The following NOVA1 variants were observed in gnomAD, a reference collection of about 807,000 sequenced individuals.
The protein encoded by NOVA1 is NOVA alternative splicing regulator 1, also known as RNA-binding protein Nova-1.
NOVA1 carries 7 observed loss-of-function variants against 38.0 expected under a neutral mutation model. The ratio of observed to expected loss-of-function variants is 0.18; its 90% CI spans 0.10 to 0.35. The LOEUF (loss-of-function observed/expected upper bound fraction) is 0.35, where lower values mean the gene tolerates loss of function less well. Ranked by LOEUF, NOVA1 falls within the 10% of genes least tolerant of loss-of-function variation. The pLI, the probability that NOVA1 is intolerant of heterozygous loss-of-function variation, is 1.00. For missense variants in NOVA1, 460 were observed against 616.0 expected (o/e 0.75, Z 2.68); for synonymous variants, 270 against 232.5 (o/e 1.16, Z -1.47).
At chr14:26,576,474 C>G (rs1363122619) in intron 2 of NOVA1, among the ~76,000 whole-genome samples, 1 of 151,546 alleles carries the variant, frequency 6.6e-6, no homozygotes, top group Non-Finnish European at 1.5e-5. Context: ...AAATATTGAC[C>G]ATTTTGATAA....
intron 2 of NOVA1, among the ~76,000 whole-genome samples, chr14:26,568,244 T>C (rs1244941309): frequency 6.6e-6 from 1 of 152,196 alleles, no homozygotes; most frequent in Non-Finnish European, 1.5e-5. Context: ...CATTTCTTTA[T>C]ATACACAGTC....
chr14:26,597,380 G>C lies in NOVA1; in HGVS notation c.57C>G (p.Asp19Glu). The C allele has an allele frequency of 1.6e-6, 2 of 1,275,648 alleles. No individual in the cohort carries two copies. Among genetic ancestry groups the C allele is most frequent in the Non-Finnish European group, 2.0e-6 (2 of 1,002,778 alleles). The allele number at this position is 1,275,648 out of a possible 1,614,324, so 79.0% of individuals were successfully genotyped here. ...TTTTCCGCGAGTCCGGCGGGTCCAG[G>C]TCTATGGGAACCCCAGTGTGGGTCC... ...QNGTHTGVPI[D>E]LDPPDSRKRP... Residue 19 changes from aspartate to glutamate, a missense_variant, in exon 1 of 5, where the codon GAC becomes GAG. Coordinates refer to ENST00000539517, the MANE Select transcript of NOVA1 (RefSeq NM_002515.3).
At chr14:26,576,614 T>C (rs1197377385) in intron 2 of NOVA1, among the ~76,000 whole-genome samples, 1 of 151,866 alleles carries the variant, frequency 6.6e-6, no homozygotes, top group African/African-American at 2.4e-5. Context: ...TGTGTGTATA[T>C]ATATATACAC....
chr14:26,478,898 TAGTCTATAA>T (rs1885208451), intron 3 of NOVA1: 1 of 151,866 alleles, frequency 6.6e-6, no homozygotes, highest in Non-Finnish European at 1.5e-5. Flanking sequence ...AATTAGACAT[TAGTCTATAA>T]TTTGAAAATA....
At chr14:26,527,863 A>G (rs1889415490) in intron 2 of NOVA1, among the ~76,000 whole-genome samples, 1 of 152,220 alleles carries the variant, frequency 6.6e-6, no homozygotes, top group Admixed American at 6.5e-5. Context: ...TATTTGAGAC[A>G]TTCACTGGAC....
intron 2 of NOVA1, among the ~76,000 whole-genome samples, chr14:26,559,425 A>G (rs1195280286): frequency 6.6e-6 from 1 of 152,186 alleles, no homozygotes; most frequent in Non-Finnish European, 1.5e-5. Context: ...CCATTCTAAA[A>G]TGATGTAGAC....
At chr14:26,481,589 A>G (rs1409689639) in intron 2 of NOVA1, among the ~76,000 whole-genome samples, 3 of 152,154 alleles carry the variant, frequency 2.0e-5, no homozygotes, top group Non-Finnish European at 2.9e-5. Flanking sequence ...TAAAAATCTA[A>G]GTTTCCTGGA....
intron 2 of NOVA1, chr14:26,519,651 C>G (rs1004371315): frequency 3.3e-5 from 5 of 152,096 alleles, no homozygotes; most frequent in African/African-American, 1.2e-4. Context: ...TAGAATGTAT[C>G]TTCCTAACAT....
At position 26,443,345 on chromosome 14, in the gene NOVA1, T is replaced by C. The variant is rs1451869166; in HGVS notation, c.*4614A>G. 6.6e-6 allele frequency: 1 copy of C among 151,996 alleles called. No individual in the cohort carries two copies. Among genetic ancestry groups the C allele is most frequent in the Non-Finnish European group, 1.5e-5 (1 of 67,904 alleles). The allele number at this position is 151,996 out of a possible 1,614,324, so 9.4% of individuals were successfully genotyped here. ...TAAATATTTTTCCTTAAAAAAATAA[T>C]CTAATCAAAATATTGAATACTTTAG... On this transcript the variant is annotated 3_prime_UTR_variant, in exon 5 of 5. Transcript: ENST00000539517.
At chr14:26,482,302 AG>A (rs1758411126) in intron 2 of NOVA1, among the ~76,000 whole-genome samples, 1 of 152,204 alleles carries the variant, frequency 6.6e-6, no homozygotes, top group South Asian at 2.1e-4. Flanking sequence ...ACATAAAAAA[AG>A]GAAAGAAAAA....
chr14:26,563,782 T>A (rs1211632074), intron 2 of NOVA1, among the ~76,000 whole-genome samples: 1 of 152,074 alleles, frequency 6.6e-6, no homozygotes, highest in African/African-American at 2.4e-5. Flanking sequence ...AAATAGAGGA[T>A]CTAGCACTGG....
chr14:26,547,612 G>T (rs116483416), intron 2 of NOVA1, among the ~76,000 whole-genome samples: 2,079 of 152,144 alleles, frequency 0.014, 44 homozygotes, highest in African/African-American at 0.045. Flanking sequence ...AGCAGGTATA[G>T]TTTGTGCCTT....
At chr14:26,538,705 T>TTC (rs901072847) in intron 2 of NOVA1, among the ~76,000 whole-genome samples, 2 of 152,082 alleles carry the variant, frequency 1.3e-5, no homozygotes, top group African/African-American at 4.8e-5. Context: ...CTTGTTCATC[T>TTC]TCTGCACAGC....
intron 2 of NOVA1, among the ~76,000 whole-genome samples, chr14:26,527,684 G>A (rs190784597): frequency 6.6e-6 from 1 of 152,260 alleles, no homozygotes; most frequent in African/African-American, 2.4e-5. Flanking sequence ...ACTTGGCACT[G>A]ACAGCAGTAG....
intron 4 of NOVA1, chr14:26,471,857 G>C (rs1042126557): frequency 2.2e-4 from 36 of 163,478 alleles, no homozygotes; most frequent in Admixed American, 1.6e-3. Context: ...TTCATCAATA[G>C]TTGAAAGTTG....
chr14:26,596,442 G>T (rs547939019), intron 1 of NOVA1: 8 of 788,952 alleles, frequency 1.0e-5, no homozygotes, highest in Non-Finnish European at 1.4e-5. Context: ...CCGTCAACTT[G>T]ATCACATCTT....
chr14:26,465,956 C>G (rs535430225), intron 4 of NOVA1, among the ~76,000 whole-genome samples: 1 of 151,668 alleles, frequency 6.6e-6, no homozygotes, highest in Admixed American at 6.6e-5. Context: ...AAAAACAGCA[C>G]GATAAAGGGA....
At chr14:26,539,923 T>C (rs1376394867) in intron 2 of NOVA1, among the ~76,000 whole-genome samples, 2 of 152,084 alleles carry the variant, frequency 1.3e-5, no homozygotes, top group African/African-American at 2.4e-5. Flanking sequence ...AAAAATAGCC[T>C]GCTGCAGAGT....
chr14:26,586,593 C>T (rs893597530), intron 2 of NOVA1, among the ~76,000 whole-genome samples: 1 of 150,912 alleles, frequency 6.6e-6, no homozygotes, highest in African/African-American at 2.4e-5. Flanking sequence ...TAAGTCAATA[C>T]TCTAACCAAA....
Sources: gnomAD v4.1 joint callset for allele counts (sites outside exome capture counted in the v4.1 genomes callset) on GRCh38, gnomAD v4.1.1 for gene constraint, MANE v1.5 for transcripts, NCBI Gene and HGNC (gene_info 2026-07-23, HGNC 2026-07-21) for gene names.